The following LRRC4B variants were observed in gnomAD, a reference collection of about 807,000 sequenced individuals.
The protein encoded by LRRC4B is leucine rich repeat containing 4B, also known as leucine-rich repeat-containing protein 4B.
In LRRC4B, 1 loss-of-function variant was observed where a neutral mutation model predicts 7.3. The observed-to-expected ratio is 0.14, with a 90% CI of 0.05 to 0.65. The LOEUF (loss-of-function observed/expected upper bound fraction) is 0.65. Among genes scored for constraint, LRRC4B ranks in the 30% least tolerant of loss-of-function variants. The pLI is 0.84. For missense variants in LRRC4B, 730 were observed against 1,041.6 expected (o/e 0.70, Z 4.12); for synonymous variants, 500 against 499.2 (o/e 1.00, Z -0.02).
intron 2 of LRRC4B, among the ~76,000 whole-genome samples, chr19:50,535,868 C>A (rs1981259076): frequency 6.6e-6 from 1 of 152,236 alleles, no homozygotes; most frequent in South Asian, 2.1e-4. Flanking sequence ...CCACCCTTCC[C>A]CACCACCAGG....
chr19:50,547,481 C>T (rs945102678), intron 2 of LRRC4B, among the ~76,000 whole-genome samples: 1 of 151,968 alleles, frequency 6.6e-6, no homozygotes, highest in African/African-American at 2.4e-5. Flanking sequence ...TCTGGAGGGG[C>T]TGGGACCTCT....
At chr19:50,540,955 A>G (rs373641037) in intron 2 of LRRC4B, among the ~76,000 whole-genome samples, 5 of 151,956 alleles carry the variant, frequency 3.3e-5, no homozygotes, top group East Asian at 2.0e-4. Flanking sequence ...AGGCCAAAGC[A>G]GGCGGATCAT....
At chr19:50,558,616 A>G (rs541772609) in intron 1 of LRRC4B, among the ~76,000 whole-genome samples, 1 of 152,380 alleles carries the variant, frequency 6.6e-6, no homozygotes, top group East Asian at 1.9e-4. Flanking sequence ...ACTGGTGGCC[A>G]CCAGCCACAC....
Position 50,518,190 on chromosome 19 carries a change from C to T in LRRC4B, c.1523G>A (p.Gly508Glu), listed in dbSNP as rs200626515. 1.2e-3 allele frequency: 1,976 copies of T among 1,608,348 alleles called. 1 individual carries two copies. Among genetic ancestry groups the T allele is most frequent in the Non-Finnish European group, 1.6e-3 (1,866 of 1,178,810 alleles). Residue 508 changes from glycine to glutamate, a missense_variant, in exon 3 of 3, where the codon GGG (glycine) becomes GAG (glutamate). Physicochemically the swap from Gly to Glu is moderately conservative, Grantham distance 98. Around this residue, in one of 6 missense-constraint regions of LRRC4B, gnomAD observed 192 missense variants for 228.6 expected, o/e 0.84. Coordinates refer to ENST00000652263, the MANE Select transcript of LRRC4B (RefSeq NM_001080457.2). ...QPGEEALQPR[G>E]TEKEPPGPTT... is the part of the protein sequence containing the mutation. ...GGGCCCTGGCGGTTCCTTCTCCGTC[C>T]CCCGCGGCTGCAGGGCCTCCTCTCC...
At chr19:50,547,702 C>T (rs1981873713) in intron 2 of LRRC4B, among the ~76,000 whole-genome samples, 1 of 149,566 alleles carries the variant, frequency 6.7e-6, no homozygotes, top group Non-Finnish European at 1.5e-5. Context: ...CAGGACAGAG[C>T]CCCCCACCCT....
At chr19:50,554,679 C>A (rs910553857) in intron 1 of LRRC4B, among the ~76,000 whole-genome samples, 5 of 152,238 alleles carry the variant, frequency 3.3e-5, no homozygotes, top group African/African-American at 1.2e-4. Flanking sequence ...GTCCAACACA[C>A]ATCTGGCACT....
intron 1 of LRRC4B, among the ~76,000 whole-genome samples, chr19:50,552,630 A>G (rs1331445392): frequency 0.049 from 4,921 of 100,070 alleles, 318 homozygotes; most frequent in African/African-American, 0.16. Flanking sequence ...CCATCCATTC[A>G]TCCATCCGCC....
intron 2 of LRRC4B, among the ~76,000 whole-genome samples, chr19:50,534,627 C>A (rs1361194979): frequency 2.0e-5 from 3 of 152,112 alleles, no homozygotes. Context: ...GGGACGTGGC[C>A]CCCATCAATG....
chr19:50,564,869 G>T (rs979309193), intron 1 of LRRC4B, among the ~76,000 whole-genome samples: 2 of 47,440 alleles, frequency 4.2e-5, no homozygotes, highest in Admixed American at 1.9e-4. Flanking sequence ...TGAGGATTCA[G>T]CGGCCACCCC....
chr19:50,533,020 G>C (rs1426034534), intron 2 of LRRC4B, among the ~76,000 whole-genome samples: 2 of 152,146 alleles, frequency 1.3e-5, no homozygotes, highest in African/African-American at 4.8e-5. Flanking sequence ...GCACGTCTGA[G>C]ATCATTAAAG....
At position 50,519,702 on chromosome 19, in the gene LRRC4B, C is replaced by A. The variant is rs1402364088; in HGVS notation, c.298-287G>T. Among the ~76,000 whole-genome samples, 1 of 151,526 alleles carries A rather than the reference C, an allele frequency of 6.6e-6. No homozygotes were observed. The highest frequency in any genetic ancestry group is 2.4e-5 in the African/African-American group (1 of 41,144). On this transcript the variant is annotated intron_variant, in intron 2 of 2. Coordinates refer to ENST00000652263, the MANE Select transcript of LRRC4B (RefSeq NM_001080457.2). The surrounding 1 kb of genome is among the most constrained non-coding windows in gnomAD (Gnocchi z 8.1). Reference sequence around the variant, plus strand: ...GACCAGCCTGGACAACATGGTGAAACCCTGTCTCTACTAAAAATACAAAAA... The same window carrying A: ...GACCAGCCTGGACAACATGGTGAAAACCTGTCTCTACTAAAAATACAAAAA...
intron 1 of LRRC4B, among the ~76,000 whole-genome samples, chr19:50,562,117 C>CAA (rs11333930): frequency 1.5e-5 from 2 of 130,322 alleles, no homozygotes; most frequent in Non-Finnish European, 3.3e-5. Context: ...GACCCTGTCT[C>CAA]AAAAAAAAAA....
chr19:50,566,476 G>A (rs1020393506), intron 1 of LRRC4B, among the ~76,000 whole-genome samples: 2 of 151,732 alleles, frequency 1.3e-5, no homozygotes, highest in Non-Finnish European at 2.9e-5. Flanking sequence ...AGTCACCAGA[G>A]GCTGCGGGGA....
rs370439539 is a variant in LRRC4B at position 50,553,061 on chromosome 19, A to G, written c.-35-4188T>C. 5.3e-5 allele frequency among the ~76,000 whole-genome samples: 8 copies of G among 152,328 alleles called. No homozygotes were observed. In the East Asian group the frequency reaches 1.5e-3, roughly 29 times the overall value. The stretch of plus-strand genomic sequence containing the variant: ...CTCCTAGGGCCACTGTGGGGATTAA[A>G]TCGCTAAATCCTTGGTAAAGAGTTC... On this transcript the variant is annotated intron_variant, in intron 1 of 2. Transcript: ENST00000652263. This position sits in a 1 kb window ranked among gnomAD's most constrained non-coding sequence, Gnocchi z 4.2.
intron 2 of LRRC4B, among the ~76,000 whole-genome samples, chr19:50,547,885 C>G (rs1981881791): frequency 6.6e-6 from 1 of 151,908 alleles, no homozygotes; most frequent in Non-Finnish European, 1.5e-5. Flanking sequence ...AGCCACAGGC[C>G]ACCATGGCGC....
chr19:50,524,789 A>G (rs1150925), intron 2 of LRRC4B, among the ~76,000 whole-genome samples: 118,234 of 152,102 alleles, frequency 0.78, 46,735 homozygotes, highest in African/African-American at 0.93. Context: ...CGTCCAGGGC[A>G]CCTCTCAGTA....
chr19:50,522,499 T>G (rs1363104334), intron 2 of LRRC4B, among the ~76,000 whole-genome samples: 1 of 151,104 alleles, frequency 6.6e-6, no homozygotes, highest in African/African-American at 2.4e-5. Flanking sequence ...TATTTTGAGA[T>G]GGAGTCTCGC....
Position 50,518,915 on chromosome 19 carries a change from G to C in LRRC4B, c.798C>G (p.Ala266=). ...RKLWLMHAQV[A]TIERNAFDDL... The stretch of plus-strand genomic sequence containing the variant: ...CGTCGAAGGCGTTGCGCTCGATGGT[G>C]GCTACCTGGGCGTGCATGAGCCACA... Residue 266 remains alanine (A), a synonymous_variant, in exon 3 of 3, where the codon GCC becomes GCG. Coordinates refer to ENST00000652263, the MANE Select transcript of LRRC4B (RefSeq NM_001080457.2). The C allele has an allele frequency of 6.2e-7, 1 of 1,614,032 alleles. No homozygotes were observed. Among genetic ancestry groups the C allele is most frequent in the Non-Finnish European group, 8.5e-7 (1 of 1,179,984 alleles).
intron 2 of LRRC4B, among the ~76,000 whole-genome samples, chr19:50,544,973 G>A (rs563163572): frequency 3.3e-5 from 5 of 152,194 alleles, no homozygotes; most frequent in Admixed American, 6.5e-5. Flanking sequence ...TTAGCCGGAC[G>A]TGGTGGGTGG....
Sources: gnomAD v4.1 joint callset for allele counts (sites outside exome capture counted in the v4.1 genomes callset) on GRCh38, gnomAD v4.1.1 for gene constraint, gnomAD v4.1.1 regional missense constraint, Gnocchi (gnomAD v3.1) non-coding constraint, MANE v1.5 for transcripts, NCBI Gene and HGNC (gene_info 2026-07-23, HGNC 2026-07-21) for gene names.